The following PRG4 variants were observed in gnomAD, a reference collection of about 807,000 sequenced individuals.
PRG4 encodes the protein proteoglycan 4.
Under a neutral mutation model 91.2 loss-of-function variants are expected in PRG4, and 61 were observed. That is an observed-to-expected ratio of 0.67 (90% CI 0.54 to 0.83). PRG4 has a LOEUF of 0.83. PRG4 is among the 40% of genes least tolerant of loss of function. The probability of loss-of-function intolerance (pLI) is 0.00; values close to 1 mark genes in which losing one functional copy is unlikely to be tolerated. For missense variants in PRG4, 1,564 were observed against 1,714.2 expected (o/e 0.91, Z 1.55); for synonymous variants, 576 against 614.2 (o/e 0.94, Z 0.92).
intron 2 of PRG4, among the ~76,000 whole-genome samples, chr1:186,297,160 T>A (rs985230127): frequency 4.6e-5 from 7 of 152,238 alleles, no homozygotes; most frequent in East Asian, 1.9e-4. Flanking sequence ...TTTGAGCTTG[T>A]ATAAAGAATA....
intron 3 of PRG4, among the ~76,000 whole-genome samples, chr1:186,301,205 T>C (rs774146013): frequency 2.6e-5 from 4 of 152,198 alleles, no homozygotes; most frequent in Non-Finnish European, 4.4e-5. Context: ...GATCTGTACA[T>C]TCAATTACTG....
In PRG4 at chr1:186,308,116, C is replaced by T; in HGVS notation, c.2397C>T (p.Pro799=). 6.2e-7 allele frequency: 1 copy of T among 1,608,246 alleles called. No homozygotes were observed. Among genetic ancestry groups the T allele is most frequent in the Non-Finnish European group, 8.5e-7 (1 of 1,177,908 alleles). The change falls in exon 7 of 13, where the codon CCC becomes CCT. Residue 799 remains proline (P), a synonymous_variant. Transcript: ENST00000445192. ...CCACTACTCCCAAGAAGCCTGCCCC[C>T]AAGGAGCTTGCACCCACCACCACCA... ...PAPTTPKKPA[P]KELAPTTTKG...
In PRG4 at chr1:186,304,153, C is replaced by A. The variant is rs1194406339; in HGVS notation, c.365C>A (p.Pro122His). 6.2e-7 allele frequency: 1 copy of A among 1,614,076 alleles called. No individual in the cohort carries two copies. Among genetic ancestry groups the A allele is most frequent in the Non-Finnish European group, 8.5e-7 (1 of 1,179,926 alleles). Residue 122 changes from proline to histidine, a missense_variant, in exon 5 of 13, where the codon CCT becomes CAT. This residue lies in a region of PRG4 where 437 missense variants were observed against 459.0 expected (regional missense o/e 0.95). Coordinates refer to ENST00000445192, the MANE Select transcript of PRG4 (RefSeq NM_005807.6). ...SPPSSKKAPP[P>H]SGASQTIKST... ...CCATCTTCAAAGAAAGCACCTCCACCTTCAGGAGCATCTCAAACCATCAAA... is the reference window on the plus strand; with the variant it reads ...CCATCTTCAAAGAAAGCACCTCCACATTCAGGAGCATCTCAAACCATCAAA...
Position 186,307,716 on chromosome 1 carries a change from C to T in PRG4, c.1997C>T (p.Pro666Leu). The T allele has an allele frequency of 6.2e-7, 1 of 1,612,090 alleles. No individual in the cohort carries two copies. The highest frequency in any genetic ancestry group is 8.5e-7 in the Non-Finnish European group (1 of 1,179,548). The change falls in exon 7 of 13, where the codon CCC becomes CTC. Residue 666 changes from proline to leucine, a missense_variant. Coordinates refer to ENST00000445192, the MANE Select transcript of PRG4 (RefSeq NM_005807.6). Reference sequence around the variant, plus strand: ...CCCACCACCCCTGAGGAGCCTGCTCCCACCACTCCCAAGGCAGCGGCTCCC... The same window carrying T: ...CCCACCACCCCTGAGGAGCCTGCTCTCACCACTCCCAAGGCAGCGGCTCCC... Reference protein sequence around the residue: ...PTPTTPEEPAPTTPKAAAPNT... With the variant: ...PTPTTPEEPALTTPKAAAPNT...
Position 186,311,034 on chromosome 1 carries a change from G to A in PRG4, c.3500G>A (p.Gly1167Asp), listed in dbSNP as rs776750706. The change falls in exon 9 of 13, where the codon GGT becomes GAT. Residue 1167 changes from glycine to aspartate, a missense_variant and splice_region_variant. Coordinates refer to ENST00000445192, the MANE Select transcript of PRG4 (RefSeq NM_005807.6). ...GCTGATGTCTTTCCTTAAATTTTAG[G>A]TCATTATTTCTGGATGCTAAGTCCA... Reference protein sequence around the residue: ...LRNGTLVAFRGHYFWMLSPFS... With the variant: ...LRNGTLVAFRDHYFWMLSPFS... The A allele has an allele frequency of 6.2e-7, 1 of 1,613,814 alleles. No individual in the cohort carries two copies. Among genetic ancestry groups the A allele is most frequent in the Non-Finnish European group, 8.5e-7 (1 of 1,179,930 alleles).
At chr1:186,302,607 C>T (rs1022569928) in intron 4 of PRG4, among the ~76,000 whole-genome samples, 1 of 152,136 alleles carries the variant, frequency 6.6e-6, no homozygotes, top group Admixed American at 6.5e-5. Context: ...TGCTAATCAG[C>T]AGAATTGAGA....
chr1:186,299,619 C>T (rs180772228), intron 2 of PRG4, among the ~76,000 whole-genome samples: 84 of 152,222 alleles, frequency 5.5e-4, no homozygotes, highest in Middle Eastern at 3.4e-3. Flanking sequence ...ATTAACTAGT[C>T]GTGTGATAAT....
rs369769286 is a variant in PRG4 at position 186,301,654 on chromosome 1, G to A, written c.262G>A (p.Ala88Thr). The change falls in exon 4 of 13, where the codon GCC becomes ACC. Residue 88 changes from alanine to threonine, a missense_variant. By Grantham distance (58) the Ala-to-Thr change is moderately conservative. Transcript: ENST00000445192. ...GAGAGGGAGGGAGTGTGACTGCGAC[G>A]CCCAATGTAAGAAGTATGACAAGTG... is the stretch of plus-strand genomic sequence containing the variant. ...FERGRECDCD[A>T]QCKKYDKCCP... 3.7e-5 allele frequency: 59 copies of A among 1,613,612 alleles called. 1 individual carries two copies. The highest frequency in any genetic ancestry group is 3.3e-4 in the Middle Eastern group (2 of 6,080).
At chr1:186,310,104 T>C (rs1170788508) in intron 8 of PRG4, among the ~76,000 whole-genome samples, 1 of 122,334 alleles carries the variant, frequency 8.2e-6, no homozygotes, top group Non-Finnish European at 1.6e-5. Context: ...TTTTTCCTAC[T>C]GTTAAGATTT....
At chr1:186,296,761 A>G (rs1655883542) in intron 1 of PRG4, 85 bp from the exon 2 acceptor site, 2 of 713,380 alleles carry the variant, frequency 2.8e-6, no homozygotes, top group Non-Finnish European at 5.0e-6. Context: ...TTACATTTTT[A>G]AAGTTACTGA....
chr1:186,309,988 G>A (rs1657059147), intron 8 of PRG4, 118 bp downstream of exon 8: 10 of 800,412 alleles, frequency 1.2e-5, no homozygotes, highest in Non-Finnish European at 2.0e-5. Context: ...TGATTGATAA[G>A]CACACCTCAC....
intron 4 of PRG4, 21 bp from the exon 5 acceptor site, chr1:186,304,087 A>G: frequency 1.2e-6 from 2 of 1,613,192 alleles, no homozygotes; most frequent in East Asian, 2.2e-5. Flanking sequence ...ATGTTAACTG[A>G]CTTGTCTTAC....
chr1:186,312,470 C>T (rs1292949840), intron 11 of PRG4, 98 bp downstream of exon 11: 33 of 1,182,842 alleles, frequency 2.8e-5, no homozygotes, highest in Non-Finnish European at 3.6e-5. Context: ...ACTGATCAAA[C>T]AGCCCTAATA....
At position 186,308,593 on chromosome 1, in the gene PRG4, A is replaced by G. The variant is rs1316908097; in HGVS notation, c.2874A>G (p.Thr958=). Residue 958 remains threonine, a synonymous_variant, in exon 7 of 13, where the codon ACA becomes ACG. Transcript: ENST00000445192. ...TTESKITATT[T]QVTSTTTQDT... Reference sequence around the variant, plus strand: ...AATCCAAAATAACAGCTACAACCACACAAGTAACATCTACCACAACTCAAG... The same window carrying G: ...AATCCAAAATAACAGCTACAACCACGCAAGTAACATCTACCACAACTCAAG... 4 of 1,613,512 alleles carry G rather than the reference A, an allele frequency of 2.5e-6. No homozygotes were observed. The highest frequency in any genetic ancestry group is 3.4e-6 in the Non-Finnish European group (4 of 1,180,026).
At chr1:186,302,392 C>T (rs991745935) in intron 4 of PRG4, among the ~76,000 whole-genome samples, 2 of 152,146 alleles carry the variant, frequency 1.3e-5, no homozygotes, top group East Asian at 3.9e-4. Flanking sequence ...CCAGATTTTA[C>T]AGAAAAAGAT....
chr1:186,305,615 G>A (rs768393957), intron 6 of PRG4, among the ~76,000 whole-genome samples: 9 of 152,156 alleles, frequency 5.9e-5, no homozygotes, highest in East Asian at 1.9e-4. Flanking sequence ...CGAAGCATTC[G>A]CTCTAAATAA....
chr1:186,312,122 G>A (rs1657293382), intron 10 of PRG4, 53 bp from the exon 11 acceptor site: 1 of 1,529,840 alleles, frequency 6.5e-7, no homozygotes, highest in Non-Finnish European at 9.0e-7. Context: ...CACCTTTTCT[G>A]AGGGTATTAA....
chr1:186,312,328 T>A lies in PRG4; in HGVS notation c.3947T>A (p.Ile1316Asn). Residue 1316 changes from isoleucine (I) to asparagine (N), a missense_variant, in exon 11 of 13, where the codon ATC becomes AAC. Physicochemically the swap from Ile to Asn is moderately radical, Grantham distance 149. This residue lies in a region of PRG4 where 1,079 missense variants were observed against 1,162.2 expected (regional missense o/e 0.93). Transcript: ENST00000445192. ...ATAGGACCTTCTCAAACACACACCA[T>A]CAGAATTCAATATTCACCTGCCAGA... The part of the protein sequence containing the change: ...RAIGPSQTHT[I>N]RIQYSPARLA... 1 of 1,610,384 alleles carries A rather than the reference T, an allele frequency of 6.2e-7. No individual in the cohort carries two copies. Among genetic ancestry groups the A allele is most frequent in the Non-Finnish European group, 8.5e-7 (1 of 1,178,750 alleles).
In PRG4 at chr1:186,301,702, T is replaced by G. The variant is rs1437464684; in HGVS notation, c.310T>G (p.Cys104Gly). The G allele has an allele frequency of 6.2e-7, 1 of 1,613,770 alleles. No homozygotes were observed. The highest frequency in any genetic ancestry group is 1.3e-5 in the African/African-American group (1 of 74,908). Residue 104 changes from cysteine (C) to glycine (G), a missense_variant, in exon 4 of 13, where the codon TGT (cysteine) becomes GGT (glycine). This residue lies in a region of PRG4 where 437 missense variants were observed against 459.0 expected (regional missense o/e 0.95). Coordinates refer to ENST00000445192, the MANE Select transcript of PRG4 (RefSeq NM_005807.6). The part of the protein sequence containing the change: ...DKCCPDYESF[C>G]AEVHNPTSPP... ...GTGCTGTCCCGATTATGAGAGTTTCTGTGCAGAAGGTAAGCATCACAGTAC... is the reference window on the plus strand; with the variant it reads ...GTGCTGTCCCGATTATGAGAGTTTCGGTGCAGAAGGTAAGCATCACAGTAC...
Sources: gnomAD v4.1 joint callset for allele counts (sites outside exome capture counted in the v4.1 genomes callset) on GRCh38, gnomAD v4.1.1 for gene constraint, gnomAD v4.1.1 regional missense constraint, MANE v1.5 for transcripts, NCBI Gene and HGNC (gene_info 2026-07-23, HGNC 2026-07-21) for gene names.